VEGFC: variants seen among roughly 807,000 people sequenced by gnomAD.
VEGFC encodes the protein FLT4 ligand DHM.
A neutral mutation model predicts 46.1 loss-of-function variants in VEGFC; 12 were observed. The ratio of observed to expected loss-of-function variants is 0.26; its 90% CI spans 0.17 to 0.42. VEGFC has a LOEUF of 0.42. Ranked by LOEUF, VEGFC falls within the 10% of genes least tolerant of loss-of-function variation. The pLI, the probability that VEGFC is intolerant of heterozygous loss-of-function variation, is 1.00. For missense variants in VEGFC, 488 were observed against 529.4 expected, an observed-to-expected ratio of 0.92 and a Z score of 0.77; for synonymous variants, 232 against 195.5, an observed-to-expected ratio of 1.19 and a Z score of -1.56.
chr4:176,687,775 A>T (rs899285916), intron 5 of VEGFC, 46 bp downstream of exon 5: 3 of 1,358,244 alleles, frequency 2.2e-6, no homozygotes, highest in Admixed American at 2.0e-5. Flanking sequence ...TGTTAATCAC[A>T]ATATAGACCC....
chr4:176,746,151 C>T (rs996509611), intron 1 of VEGFC, among the ~76,000 whole-genome samples: 2 of 152,018 alleles, frequency 1.3e-5, no homozygotes, highest in Non-Finnish European at 2.9e-5. Flanking sequence ...AAAAATGAGA[C>T]AAGCAAGGTG....
intron 1 of VEGFC, among the ~76,000 whole-genome samples, chr4:176,774,505 T>C (rs1735780277): frequency 2.6e-5 from 4 of 152,208 alleles, no homozygotes; most frequent in Admixed American, 6.5e-5. Flanking sequence ...AATGTTTATT[T>C]TTGTGGCAAA....
intron 1 of VEGFC, among the ~76,000 whole-genome samples, chr4:176,747,120 G>T (rs1424754877): frequency 1.3e-5 from 2 of 152,042 alleles, no homozygotes; most frequent in Non-Finnish European, 2.9e-5. Flanking sequence ...TCATGGGATT[G>T]TATCCTGTTA....
intron 1 of VEGFC, among the ~76,000 whole-genome samples, chr4:176,762,493 C>T (rs1027318990): frequency 2.0e-4 from 30 of 152,276 alleles, no homozygotes; most frequent in African/African-American, 1.4e-4. Context: ...TGATCTTGAA[C>T]GTTTCAATCT....
intron 4 of VEGFC, among the ~76,000 whole-genome samples, chr4:176,702,753 C>T (rs1734455512): frequency 6.6e-6 from 1 of 152,056 alleles, no homozygotes; most frequent in South Asian, 2.1e-4. Context: ...TGACATCACT[C>T]TCTCCTCTTT....
At chr4:176,745,898 G>T (rs1735251694) in intron 1 of VEGFC, among the ~76,000 whole-genome samples, 1 of 152,060 alleles carries the variant, frequency 6.6e-6, no homozygotes, top group South Asian at 2.1e-4. Flanking sequence ...TGAGAGGACA[G>T]AGCCAGTACC....
chr4:176,767,789 TA>T lies in VEGFC; in HGVS notation c.147+24375del, dbSNP rs374984704. ...GAGGAATATAATGTGACTTACATCC[TA>T]AAAGGATTCTTCTTTCTGCTCAGTT... On this transcript the variant is annotated intron_variant, in intron 1 of 6. Coordinates refer to ENST00000618562, the MANE Select transcript of VEGFC (RefSeq NM_005429.5). 1.5e-3 allele frequency among the ~76,000 whole-genome samples: 232 copies of T among 152,206 alleles called. 2 individuals are homozygous for T. The highest frequency in any genetic ancestry group is 5.4e-3 in the African/African-American group (222 of 41,486).
At position 176,770,171 on chromosome 4, in the gene VEGFC, A is replaced by G. The variant is rs528999601; in HGVS notation, c.147+21994T>C. Among the ~76,000 whole-genome samples the G allele has an allele frequency of 3.3e-5, 5 of 152,280 alleles. No individual in the cohort carries two copies. In the South Asian group the frequency reaches 6.2e-4, roughly 19 times the overall value. ...AGTTGGATCTTATCCCTCTTTTCTC[A>G]TTAGGCAGAAAATATTTAGAAAAGC... On this transcript the variant is annotated intron_variant, in intron 1 of 6. Coordinates refer to ENST00000618562, the MANE Select transcript of VEGFC (RefSeq NM_005429.5).
chr4:176,716,019 G>A (rs1428155382), intron 3 of VEGFC, among the ~76,000 whole-genome samples: 1 of 152,032 alleles, frequency 6.6e-6, no homozygotes. Flanking sequence ...ATAAAATAGG[G>A]ATAATAATAA....
chr4:176,727,955 C>G lies in VEGFC; in HGVS notation c.375G>C (p.Glu125Asp), dbSNP rs767851455. Residue 125 changes from glutamate to aspartate, a missense_variant, in exon 3 of 7, where the codon GAG (glutamate) becomes GAC (aspartate). By Grantham distance (45) the Glu-to-Asp change is conservative. Transcript: ENST00000618562. The part of the protein sequence containing the change: ...NTEILKSIDN[E>D]WRKTQCMPRE... Reference sequence around the variant, plus strand: ...GTGGCATGCATTGAGTCTTTCTCCACTCATTATCAATACCTGTCAAGTCAT... The same window carrying G: ...GTGGCATGCATTGAGTCTTTCTCCAGTCATTATCAATACCTGTCAAGTCAT... The G allele has an allele frequency of 1.2e-6, 2 of 1,608,960 alleles. No homozygotes were observed. Among genetic ancestry groups the G allele is most frequent in the East Asian group, 4.5e-5 (2 of 44,718 alleles).
chr4:176,687,743 G>A (rs1734070740), intron 5 of VEGFC, 78 bp downstream of exon 5: 1 of 1,094,502 alleles, frequency 9.1e-7, no homozygotes, highest in African/African-American at 1.6e-5. Flanking sequence ...AATATTATAT[G>A]TGTGGTTTTA....
rs139709541 is a variant in VEGFC, at chr4:176,732,810, A to C, written c.148-3064T>G. Among the ~76,000 whole-genome samples, 360 of 152,006 alleles carry C rather than the reference A, an allele frequency of 2.4e-3. 3 individuals are homozygous for C. The highest frequency in any genetic ancestry group is 8.2e-3 in the African/African-American group (341 of 41,528). ...CTTAATACCAATAGCAATTTACATA[A>C]TTTTTAAAGTGACAAATTATATTTC... On this transcript the variant is annotated intron_variant, in intron 1 of 6. Coordinates refer to ENST00000618562, the MANE Select transcript of VEGFC (RefSeq NM_005429.5).
At chr4:176,704,159 G>A (rs930671280) in intron 4 of VEGFC, among the ~76,000 whole-genome samples, 4 of 151,898 alleles carry the variant, frequency 2.6e-5, no homozygotes, top group South Asian at 4.2e-4. Flanking sequence ...TTGTTATTCC[G>A]ATTGTTCTGA....
chr4:176,753,986 C>A (rs960227674), intron 1 of VEGFC, among the ~76,000 whole-genome samples: 5 of 152,024 alleles, frequency 3.3e-5, no homozygotes, highest in Non-Finnish European at 7.4e-5. Flanking sequence ...TTAATACTTA[C>A]AATGAACTCA....
At chr4:176,746,731 A>G (rs1328333534) in intron 1 of VEGFC, among the ~76,000 whole-genome samples, 1 of 152,116 alleles carries the variant, frequency 6.6e-6, no homozygotes, top group African/African-American at 2.4e-5. Flanking sequence ...AAAGCAACCA[A>G]GAGAAAGTTG....
intron 1 of VEGFC, among the ~76,000 whole-genome samples, chr4:176,763,318 A>G (rs1364831359): frequency 6.6e-6 from 1 of 152,086 alleles, no homozygotes; most frequent in Non-Finnish European, 1.5e-5. Context: ...GAGATATTAT[A>G]CAACATAATC....
intron 1 of VEGFC, among the ~76,000 whole-genome samples, chr4:176,764,897 A>C (rs1735593582): frequency 4.6e-5 from 7 of 152,200 alleles, no homozygotes; most frequent in Admixed American, 4.6e-4. Flanking sequence ...CTAACAAAAA[A>C]ATAGAAAAAA....
intron 1 of VEGFC, among the ~76,000 whole-genome samples, chr4:176,743,525 T>C (rs941700251): frequency 2.0e-5 from 3 of 150,978 alleles, no homozygotes; most frequent in Non-Finnish European, 4.4e-5. Flanking sequence ...GTAAACAACA[T>C]TGGTGAAAAA....
At chr4:176,712,382 T>G (rs748692744) in intron 3 of VEGFC, among the ~76,000 whole-genome samples, 16 of 152,190 alleles carry the variant, frequency 1.1e-4, no homozygotes, top group Admixed American at 7.2e-4. Context: ...GAACGCCTTA[T>G]TTATGGATCA....
Sources: allele counts gnomAD v4.1 joint callset (sites outside exome capture counted in the v4.1 genomes callset), GRCh38; gene constraint gnomAD v4.1.1; transcripts MANE v1.5; gene names NCBI Gene and HGNC (gene_info 2026-07-23, HGNC 2026-07-21).